Variants in LDLRAD4 observed in about 807,000 individuals in gnomAD.
LDLRAD4 encodes the protein low density lipoprotein receptor class A domain containing 4.
A neutral mutation model predicts 17.0 loss-of-function variants in LDLRAD4; 5 were observed. The ratio of observed to expected loss-of-function variants is 0.29; its 90% confidence interval spans 0.15 to 0.62. LDLRAD4 has a LOEUF of 0.62. Among genes scored for constraint, LDLRAD4 ranks in the 20% least tolerant of loss-of-function variants. The pLI, the probability that LDLRAD4 is intolerant of heterozygous loss-of-function variation, is 0.84. For synonymous variants in LDLRAD4, 168 were observed against 171.8 expected (o/e 0.98, Z 0.17); for missense variants, 340 against 424.7 (o/e 0.80, Z 1.75).
intron 3 of LDLRAD4, among the ~76,000 whole-genome samples, chr18:13,482,486 A>AT (rs1488312253): frequency 1.3e-4 from 20 of 152,232 alleles, no homozygotes; most frequent in African/African-American, 4.8e-4. Flanking sequence ...AGGGTGATTT[A>AT]TTTACAAGCA....
At chr18:13,478,736 A>G (rs1008743786) in intron 3 of LDLRAD4, among the ~76,000 whole-genome samples, 1 of 152,238 alleles carries the variant, frequency 6.6e-6, no homozygotes, top group Non-Finnish European at 1.5e-5. Flanking sequence ...ACTCCTCATA[A>G]AAATCCCAGT....
intron 2 of LDLRAD4, among the ~76,000 whole-genome samples, chr18:13,408,684 G>A (rs1005202488): frequency 6.6e-6 from 1 of 151,836 alleles, no homozygotes; most frequent in Non-Finnish European, 1.5e-5. Context: ...TCTTGGCCAG[G>A]CTGATCTTGA....
At chr18:13,402,032 G>T (rs561901008) in intron 2 of LDLRAD4, among the ~76,000 whole-genome samples, 8 of 152,202 alleles carry the variant, frequency 5.3e-5, no homozygotes, top group Admixed American at 4.6e-4. Context: ...TTGCCAAATC[G>T]CTCTTTCATC....
chr18:13,575,630 T>A (rs2094758357), intron 3 of LDLRAD4, among the ~76,000 whole-genome samples: 1 of 152,252 alleles, frequency 6.6e-6, no homozygotes, highest in African/African-American at 2.4e-5. Context: ...CTACTTTTAG[T>A]TCTTTAAAGA....
At chr18:13,255,099 A>T (rs1244474221) in intron 1 of LDLRAD4, among the ~76,000 whole-genome samples, 1 of 152,260 alleles carries the variant, frequency 6.6e-6, no homozygotes, top group Non-Finnish European at 1.5e-5. Flanking sequence ...AGGGCTCGAG[A>T]CTAAGGGGCA....
chr18:13,400,737 C>T (rs1182466740), intron 2 of LDLRAD4, among the ~76,000 whole-genome samples: 4 of 152,146 alleles, frequency 2.6e-5, no homozygotes, highest in Admixed American at 2.6e-4. Context: ...CCAGAAGAAG[C>T]CTTGCTGTTG....
At chr18:13,633,154 T>G (rs999728628) in intron 4 of LDLRAD4, among the ~76,000 whole-genome samples, 8 of 152,208 alleles carry the variant, frequency 5.3e-5, no homozygotes, top group African/African-American at 1.7e-4. Flanking sequence ...CTGCAGTGAG[T>G]AGCTCCTATC....
chr18:13,523,632 G>A (rs1568295461), intron 3 of LDLRAD4, among the ~76,000 whole-genome samples: 1 of 152,178 alleles, frequency 6.6e-6, no homozygotes, highest in Non-Finnish European at 1.5e-5. Context: ...AGAGCCACTG[G>A]CCAGAGCGTC....
intron 1 of LDLRAD4, among the ~76,000 whole-genome samples, chr18:13,238,866 G>T (rs1388198965): frequency 6.6e-6 from 1 of 152,098 alleles, no homozygotes; most frequent in Non-Finnish European, 1.5e-5. Flanking sequence ...TCCTGCCGAG[G>T]TTCTGGTGGG....
intron 1 of LDLRAD4, among the ~76,000 whole-genome samples, chr18:13,346,213 T>G (rs1403149870): frequency 6.6e-6 from 1 of 152,234 alleles, no homozygotes; most frequent in African/African-American, 2.4e-5. Flanking sequence ...CTTGTGGGCA[T>G]TTAGTGCTAT....
At chr18:13,428,872 T>G (rs1378124087) in intron 2 of LDLRAD4, among the ~76,000 whole-genome samples, 1 of 152,154 alleles carries the variant, frequency 6.6e-6, no homozygotes, top group African/African-American at 2.4e-5. Flanking sequence ...CATAGTAAGC[T>G]GAGATGTCTA....
intron 4 of LDLRAD4, among the ~76,000 whole-genome samples, chr18:13,640,778 CTG>C (rs2042480858): frequency 6.6e-6 from 1 of 152,154 alleles, no homozygotes; most frequent in Non-Finnish European, 1.5e-5. Context: ...CAGGAACTCT[CTG>C]TGGGATGCGT....
intron 2 of LDLRAD4, 124 bp downstream of exon 3, chr18:13,387,886 C>T: frequency 1.3e-6 from 1 of 786,982 alleles, no homozygotes; most frequent in Non-Finnish European, 2.2e-6. Flanking sequence ...CAGTCAAGGG[C>T]TCAGGCTGCT....
intron 3 of LDLRAD4, among the ~76,000 whole-genome samples, chr18:13,513,173 G>C (rs1006563654): frequency 2.6e-5 from 4 of 152,154 alleles, no homozygotes; most frequent in Non-Finnish European, 4.4e-5. Flanking sequence ...GCTTTGTTCT[G>C]GGTGGCACTT....
rs1302399739 is a variant in LDLRAD4 at position 13,255,567 on chromosome 18, C to T, written c.-466-22538C>T. Among the ~76,000 whole-genome samples, 5 of 152,302 alleles carry T rather than the reference C, an allele frequency of 3.3e-5. No individual in the cohort carries two copies. In the East Asian group the frequency reaches 9.7e-4, roughly 29 times the overall value. On this transcript the variant is annotated intron_variant, in intron 1 of 5. Coordinates refer to the LDLRAD4 transcript ENST00000399848. ...TGGGTATGTGTGATTTCCCATAGGG[C>T]CCAGGGTCCAGGTGGGATGGGAGCC...
intron 1 of LDLRAD4, among the ~76,000 whole-genome samples, chr18:13,309,618 G>A (rs1359605089): frequency 6.6e-6 from 1 of 152,206 alleles, no homozygotes; most frequent in Non-Finnish European, 1.5e-5. Flanking sequence ...TTAAAAACAA[G>A]TTAGAGTCAG....
At chr18:13,396,294 G>A (rs140280310) in intron 2 of LDLRAD4, among the ~76,000 whole-genome samples, 3 of 152,274 alleles carry the variant, frequency 2.0e-5, no homozygotes, top group African/African-American at 7.2e-5. Flanking sequence ...GTGTAATTCT[G>A]TGCTCTGTTA....
At chr18:13,540,799 G>A (rs905492770) in intron 3 of LDLRAD4, among the ~76,000 whole-genome samples, 7 of 152,210 alleles carry the variant, frequency 4.6e-5, no homozygotes, top group Admixed American at 4.6e-4. Context: ...ATCAGTGTCT[G>A]CTGATAACAG....
chr18:13,272,358 C>T (rs963683597), intron 1 of LDLRAD4, among the ~76,000 whole-genome samples: 1 of 152,230 alleles, frequency 6.6e-6, no homozygotes, highest in Non-Finnish European at 1.5e-5. Context: ...GGAGTTGGTG[C>T]TCTGTGCTCC....
Sources: gnomAD v4.1 joint callset for allele counts (sites outside exome capture counted in the v4.1 genomes callset) on GRCh38, gnomAD v4.1.1 for gene constraint, MANE v1.5 for transcripts, NCBI Gene and HGNC (gene_info 2026-07-23, HGNC 2026-07-21) for gene names.